Variants in IRS1 observed in about 807,000 individuals in gnomAD.
The protein encoded by IRS1 is insulin receptor substrate 1.
In IRS1, 34 loss-of-function variants were observed where a neutral mutation model predicts 65.6. That is an observed-to-expected ratio of 0.52 (90% confidence interval 0.39 to 0.69). The LOEUF is 0.69. Among genes scored for constraint, IRS1 ranks in the 30% least tolerant of loss-of-function variants. The pLI, the probability that IRS1 is intolerant of heterozygous loss-of-function variation, is 0.00. For synonymous variants in IRS1, 699 were observed against 683.5 expected, an observed-to-expected ratio of 1.02 and a Z score of -0.35; for missense variants, 1,641 against 1,720.2, an observed-to-expected ratio of 0.95 and a Z score of 0.81.
chr2:226,774,477 CACTGTACT>C (rs1200823214), intron 1 of IRS1, among the ~76,000 whole-genome samples: 2 of 151,992 alleles, frequency 1.3e-5, no homozygotes, highest in Non-Finnish European at 2.9e-5. Context: ...TGGTTTGAAA[CACTGTACT>C]ACAGAATGTT....
rs772676919 is a variant in IRS1, at chr2:226,796,956, G to A, written c.1783C>T (p.Arg595Trp). 20 of 1,564,296 alleles carry A rather than the reference G, an allele frequency of 1.3e-5. No individual in the cohort carries two copies. Among genetic ancestry groups the A allele is most frequent in the African/African-American group, 2.7e-5 (2 of 73,980 alleles). ...EGLEMHPLERRGGHHRPDSST... is the reference protein window; with the variant it reads ...EGLEMHPLERWGGHHRPDSST... Reference sequence around the variant, plus strand: ...CTGTCTGGGCGGTGGTGCCCCCCCCGACGCTCCAAGGGGTGCATTTCCAGA... The same window carrying A: ...CTGTCTGGGCGGTGGTGCCCCCCCCAACGCTCCAAGGGGTGCATTTCCAGA... Residue 595 changes from arginine (R) to tryptophan (W), a missense_variant, in exon 1 of 2, where the codon CGG becomes TGG. Coordinates refer to ENST00000305123, the MANE Select transcript of IRS1 (RefSeq NM_005544.3).
chr2:226,745,308 C>T (rs1269289609), intron 1 of IRS1, among the ~76,000 whole-genome samples: 3 of 152,158 alleles, frequency 2.0e-5, no homozygotes, highest in Admixed American at 6.5e-5. Flanking sequence ...TGAGTTGCCT[C>T]TTTCTGAGTG....
intron 1 of IRS1, among the ~76,000 whole-genome samples, chr2:226,743,756 G>A (rs945569065): frequency 1.3e-5 from 2 of 152,114 alleles, no homozygotes; most frequent in Non-Finnish European, 2.9e-5. Flanking sequence ...GGTTTTGTTT[G>A]TAATGGTCAG....
rs1938234498 is a variant in IRS1 at position 226,732,199 on chromosome 2, C to T, written c.*4073G>A. 1 of 152,120 alleles carries T rather than the reference C, an allele frequency of 6.6e-6. No individual in the cohort carries two copies. The allele number at this position is 152,120 out of a possible 1,614,324, so 9.4% of individuals were successfully genotyped here. A position where few individuals can be genotyped will look rare whatever the true frequency, so the allele number is the denominator to read the frequency against. On this transcript the variant is annotated 3_prime_UTR_variant, in exon 2 of 2. Transcript: ENST00000305123. ...TGCTCTGTTTACAAGTAGTGGGAGA[C>T]ACACAACAGGCTACATATTCTCTAC...
In IRS1 at chr2:226,798,546, G is replaced by T. The variant is rs149830479; in HGVS notation, c.193C>A (p.Pro65Thr). The part of the protein sequence containing the change: ...HKSSAPKRSI[P>T]LESCFNINKR... ...TTGATGTTGAAGCAGCTCTCAAGGGGGATCGAGCGTTTGGGGGCGCTCGAC... is the reference window on the plus strand; with the variant it reads ...TTGATGTTGAAGCAGCTCTCAAGGGTGATCGAGCGTTTGGGGGCGCTCGAC... The change falls in exon 1 of 2, where the codon CCC becomes ACC. Residue 65 changes from proline (P) to threonine (T), a missense_variant. Pro to Thr is a conservative substitution (Grantham distance 38, BLOSUM62 -1). Transcript: ENST00000305123. This position sits in a 1 kb window ranked among gnomAD's most constrained non-coding sequence, Gnocchi z 9.4. The T allele has an allele frequency of 7.6e-5, 123 of 1,614,026 alleles. 1 individual carries two copies. In the African/African-American group the frequency reaches 1.4e-3, roughly 19 times the overall value.
Position 226,796,486 on chromosome 2 carries a change from G to T in IRS1, c.2253C>A (p.Tyr751Ter). Reference protein sequence around the residue: ...SNTSSPSDCYYGPEDPQHKPV... With the variant: ...SNTSSPSDCY Reference sequence around the variant, plus strand: ...GCTTGTGCTGGGGGTCCTCAGGGCCGTAGTAGCAGTCGGAGGGGCTGCTGG... The same window carrying T: ...GCTTGTGCTGGGGGTCCTCAGGGCCTTAGTAGCAGTCGGAGGGGCTGCTGG... The change falls in exon 1 of 2, where the codon TAC becomes TAA. Residue 751 changes from tyrosine (Y) to a stop codon, truncating the protein, a stop_gained. Transcript: ENST00000305123. LOFTEE classifies it high-confidence loss of function. The T allele has an allele frequency of 1.2e-6, 2 of 1,613,892 alleles. No homozygotes were observed. Among genetic ancestry groups the T allele is most frequent in the Non-Finnish European group, 1.7e-6 (2 of 1,180,038 alleles).
chr2:226,787,998 G>C (rs1224012670), intron 1 of IRS1, among the ~76,000 whole-genome samples: 1 of 148,828 alleles, frequency 6.7e-6, no homozygotes, highest in African/African-American at 2.5e-5. Context: ...AACATAATTT[G>C]TTTGCCACAT....
At chr2:226,755,579 A>G (rs922786464) in intron 1 of IRS1, among the ~76,000 whole-genome samples, 16 of 152,234 alleles carry the variant, frequency 1.1e-4, no homozygotes, top group Non-Finnish European at 2.4e-4. Flanking sequence ...TAACAAATCA[A>G]AATAATCCAA....
At chr2:226,738,204 G>T (rs941829323) in intron 1 of IRS1, among the ~76,000 whole-genome samples, 1 of 152,184 alleles carries the variant, frequency 6.6e-6, no homozygotes, top group African/African-American at 2.4e-5. Context: ...CAAAATACAC[G>T]CAACGTAAGT....
At chr2:226,780,106 GTAGCA>G (rs1233658036) in intron 1 of IRS1, among the ~76,000 whole-genome samples, 1 of 152,152 alleles carries the variant, frequency 6.6e-6, no homozygotes, top group Non-Finnish European at 1.5e-5. Flanking sequence ...AAAAATAGAG[GTAGCA>G]GCCGGGTGCG....
In IRS1 at chr2:226,797,878, G is replaced by C. The variant is rs776664003; in HGVS notation, c.861C>G (p.His287Gln). The C allele has an allele frequency of 8.7e-6, 14 of 1,608,730 alleles. No homozygotes were observed. The highest frequency in any genetic ancestry group is 1.2e-5 in the Non-Finnish European group (14 of 1,177,878). The stretch of plus-strand genomic sequence containing the variant: ...GGCTGGGCGGGGGATTGTTGAGATG[G>C]TGCCGGCGCAGGGGGACGCTGATGG... ...SNPISVPLRR[H>Q]HLNNPPPSQV... is the part of the protein sequence containing the mutation. The change falls in exon 1 of 2, where the codon CAC becomes CAG. Residue 287 changes from histidine (H) to glutamine (Q), a missense_variant. Physicochemically the swap from His to Gln is conservative, Grantham distance 24 (BLOSUM62 0). Around this residue, in one of 3 missense-constraint regions of IRS1, gnomAD observed 1,324 missense variants for 1,361.0 expected, o/e 0.97. Coordinates refer to ENST00000305123, the MANE Select transcript of IRS1 (RefSeq NM_005544.3). This position sits in a 1 kb window ranked among gnomAD's most constrained non-coding sequence, Gnocchi z 8.1.
chr2:226,769,713 G>A (rs550273255), intron 1 of IRS1, among the ~76,000 whole-genome samples: 16 of 152,116 alleles, frequency 1.1e-4, no homozygotes, highest in South Asian at 2.1e-4. Context: ...TACTCTTGTC[G>A]TTATCTCTAG....
chr2:226,738,373 G>T (rs1030836631), intron 1 of IRS1, among the ~76,000 whole-genome samples: 1 of 152,066 alleles, frequency 6.6e-6, no homozygotes, highest in African/African-American at 2.4e-5. Flanking sequence ...CATTCATTAC[G>T]CAATGGTTTT....
At chr2:226,748,825 C>T (rs1232841685) in intron 1 of IRS1, among the ~76,000 whole-genome samples, 6 of 152,020 alleles carry the variant, frequency 3.9e-5, no homozygotes, top group Admixed American at 2.0e-4. Flanking sequence ...TATCATCATC[C>T]GTGAGTACAC....
chr2:226,762,348 A>G (rs1267034057), intron 1 of IRS1, among the ~76,000 whole-genome samples: 1 of 123,502 alleles, frequency 8.1e-6, no homozygotes, highest in Non-Finnish European at 1.9e-5. Context: ...CCATCAGAAC[A>G]TAAAAATGCA....
intron 1 of IRS1, among the ~76,000 whole-genome samples, chr2:226,750,881 A>G (rs1938665229): frequency 6.6e-6 from 1 of 152,192 alleles, no homozygotes; most frequent in South Asian, 2.1e-4. Context: ...GGGGTCTAAG[A>G]TTCTGCCTTT....
chr2:226,786,782 G>T, intron 1 of IRS1, among the ~76,000 whole-genome samples: 1 of 139,796 alleles, frequency 7.2e-6, no homozygotes, highest in East Asian at 2.2e-4. Flanking sequence ...AAACTTGGTA[G>T]TCTAAAAAAA....
chr2:226,743,441 G>A (rs1157502615), intron 1 of IRS1, among the ~76,000 whole-genome samples: 1 of 152,138 alleles, frequency 6.6e-6, no homozygotes, highest in East Asian at 1.9e-4. Context: ...TGTTGGCCAG[G>A]CTGGTCTCGA....
chr2:226,744,900 G>GA (rs1021007854), intron 1 of IRS1, among the ~76,000 whole-genome samples: 2 of 151,858 alleles, frequency 1.3e-5, no homozygotes, highest in African/African-American at 4.8e-5. Context: ...AAAACGTTGA[G>GA]AAGAATTTGA....
Sources: allele counts gnomAD v4.1 joint callset (sites outside exome capture counted in the v4.1 genomes callset), GRCh38; gene constraint gnomAD v4.1.1; regional missense constraint gnomAD v4.1.1; non-coding constraint Gnocchi (gnomAD v3.1); transcripts MANE v1.5; gene names NCBI Gene and HGNC (gene_info 2026-07-23, HGNC 2026-07-21).